FBLN2: variants seen among roughly 807,000 people sequenced by gnomAD.
The protein encoded by FBLN2 is fibulin-2.
FBLN2 carries 81 observed loss-of-function variants against 123.7 expected under a neutral mutation model. That is an observed-to-expected ratio of 0.65 (90% CI 0.55 to 0.79). FBLN2 has a LOEUF of 0.79. FBLN2 is among the 30% of genes least tolerant of loss of function. The pLI is 0.00. For synonymous variants in FBLN2, 699 were observed against 701.4 expected (o/e 1.00, Z 0.05); for missense variants, 1,603 against 1,681.3 (o/e 0.95, Z 0.81).
intron 5 of FBLN2, among the ~76,000 whole-genome samples, chr3:13,615,011 TCC>T: frequency 6.6e-6 from 1 of 152,012 alleles, no homozygotes; most frequent in Non-Finnish European, 1.5e-5. Flanking sequence ...CATCCATCCA[TCC>T]ATCCATCCAT....
intron 2 of FBLN2, among the ~76,000 whole-genome samples, chr3:13,603,139 C>T (rs796463815): frequency 1.4e-4 from 21 of 151,934 alleles, no homozygotes; most frequent in African/African-American, 4.8e-4. Context: ...TCTTGAACTC[C>T]TGACCTCGTG....
intron 2 of FBLN2, among the ~76,000 whole-genome samples, chr3:13,600,593 G>A (rs1221312771): frequency 3.3e-5 from 5 of 150,486 alleles, no homozygotes; most frequent in South Asian, 2.1e-4. Context: ...TGAAGCTTGC[G>A]ACTTCTTTTT....
chr3:13,556,525 A>G (rs4684952), intron 1 of FBLN2, among the ~76,000 whole-genome samples: 128,096 of 151,900 alleles, frequency 0.84, 54,185 homozygotes, highest in East Asian at 1. Flanking sequence ...ATAGAAATGT[A>G]GGGAGGACAC....
intron 15 of FBLN2, 65 bp from the exon 16 acceptor site, chr3:13,631,264 G>GT (rs1706245716): frequency 1.3e-6 from 2 of 1,560,362 alleles, no homozygotes; most frequent in African/African-American, 1.4e-5. Flanking sequence ...GGGACAGGCT[G>GT]ACTGTCAGTG....
chr3:13,620,472 T>C (rs552642626), intron 8 of FBLN2, among the ~76,000 whole-genome samples: 1 of 152,146 alleles, frequency 6.6e-6, no homozygotes, highest in Non-Finnish European at 1.5e-5. Flanking sequence ...CTGGTGATGA[T>C]TAGCTGTCCA....
intron 17 of FBLN2, 112 bp downstream of exon 17, chr3:13,636,680 C>G: frequency 3.1e-6 from 4 of 1,306,830 alleles, no homozygotes; most frequent in Non-Finnish European, 4.2e-6. Context: ...CTCGTCCCAG[C>G]CCCTGACTGC....
intron 2 of FBLN2, among the ~76,000 whole-genome samples, chr3:13,575,094 C>T (rs764305715): frequency 3.9e-5 from 6 of 152,334 alleles, no homozygotes; most frequent in Non-Finnish European, 5.9e-5. Context: ...GACTAATCAT[C>T]GTCGCATTTC....
In FBLN2 at chr3:13,623,921, C is replaced by G. The variant is rs530762636; in HGVS notation, c.2296+2006C>G. Among the ~76,000 whole-genome samples, 4 of 152,360 alleles carry G rather than the reference C, an allele frequency of 2.6e-5. No individual in the cohort carries two copies. The East Asian group carries it at 7.7e-4, about 29-fold the overall frequency. On this transcript the variant is annotated intron_variant, in intron 9 of 17. Coordinates refer to ENST00000404922, the MANE Select transcript of FBLN2 (RefSeq NM_001004019.2). ...TGAGGCAACCTGCAGAGGTAGTAAGCTCCCCATCACTGGAGGTATGTAAAT... is the reference window on the plus strand; with the variant it reads ...TGAGGCAACCTGCAGAGGTAGTAAGGTCCCCATCACTGGAGGTATGTAAAT...
chr3:13,618,137 G>C lies in FBLN2; in HGVS notation c.1791G>C (p.Pro597=), dbSNP rs201485015. Residue 597 remains proline, a synonymous_variant, in exon 6 of 18, where the codon CCG becomes CCC. Coordinates refer to ENST00000404922, the MANE Select transcript of FBLN2 (RefSeq NM_001004019.2). ...ALSLGTEAEL[P]NSLPGDDQDE... is the part of the protein sequence containing the mutation. ...CACTGGGCACAGAGGCCGAGCTGCC[G>C]AACAGCCTGCCGGGCGATGACCAGG... is the stretch of plus-strand genomic sequence containing the variant. 5 of 1,613,464 alleles carry C rather than the reference G, an allele frequency of 3.1e-6. No homozygotes were observed. The African/African-American group carries it at 5.3e-5, about 17-fold the overall frequency.
intron 1 of FBLN2, among the ~76,000 whole-genome samples, chr3:13,566,720 C>A (rs75407266): frequency 2.1e-4 from 32 of 152,344 alleles, no homozygotes; most frequent in African/African-American, 7.7e-4. Context: ...GAGCTCACAC[C>A]CCATGTGACA....
At chr3:13,623,921 C>T (rs530762636) in intron 9 of FBLN2, among the ~76,000 whole-genome samples, 1 of 152,242 alleles carries the variant, frequency 6.6e-6, no homozygotes, top group Non-Finnish European at 1.5e-5. Flanking sequence ...AGGTAGTAAG[C>T]TCCCCATCAC....
Position 13,570,951 on chromosome 3 carries a change from A to G in FBLN2, c.596A>G (p.Tyr199Cys), listed in dbSNP as rs751187121. 6.4e-5 allele frequency: 103 copies of G among 1,612,650 alleles called. No homozygotes were observed. The highest frequency in any genetic ancestry group is 8.4e-5 in the Non-Finnish European group (99 of 1,179,542). Reference protein sequence around the residue: ...PERHYEDPYSYDQEVAEVEAA... With the variant: ...PERHYEDPYSCDQEVAEVEAA... ...CGACACTACGAAGACCCCTACAGCT[A>G]TGACCAGGAGGTGGCCGAGGTGGAA... The change falls in exon 2 of 18, where the codon TAT becomes TGT. Residue 199 changes from tyrosine to cysteine, a missense_variant. Tyr to Cys is a radical substitution (Grantham distance 194, BLOSUM62 -2). Coordinates refer to ENST00000404922, the MANE Select transcript of FBLN2 (RefSeq NM_001004019.2).
chr3:13,635,253 C>A (rs928690019), intron 16 of FBLN2, among the ~76,000 whole-genome samples: 2 of 152,114 alleles, frequency 1.3e-5, no homozygotes, highest in African/African-American at 4.8e-5. Flanking sequence ...ACCCCCTGCC[C>A]CTACCCCACG....
At chr3:13,613,934 C>A in intron 4 of FBLN2, 50 bp from the exon 5 acceptor site, 1 of 1,577,998 alleles carries the variant, frequency 6.3e-7, no homozygotes, top group Non-Finnish European at 8.6e-7. Context: ...CTGAGCCTAG[C>A]TCCAGGCTGG....
At chr3:13,563,664 C>T (rs1329278423) in intron 1 of FBLN2, among the ~76,000 whole-genome samples, 1 of 152,248 alleles carries the variant, frequency 6.6e-6, no homozygotes, top group Non-Finnish European at 1.5e-5. Flanking sequence ...CTCACATATC[C>T]CTCTGAGCAC....
intron 16 of FBLN2, among the ~76,000 whole-genome samples, chr3:13,635,814 A>C (rs536727704): frequency 6.6e-6 from 1 of 152,334 alleles, no homozygotes; most frequent in African/African-American, 2.4e-5. Flanking sequence ...CCTGGAGCCC[A>C]GGTTGAGGGG....
intron 1 of FBLN2, among the ~76,000 whole-genome samples, chr3:13,569,836 TG>T (rs1703868869): frequency 1.6e-5 from 1 of 63,496 alleles, no homozygotes; most frequent in Non-Finnish European, 4.3e-5. Context: ...TGCGTGGGAC[TG>T]TGCGTGTGAG....
At chr3:13,564,022 A>G (rs1703676873) in intron 1 of FBLN2, among the ~76,000 whole-genome samples, 1 of 152,170 alleles carries the variant, frequency 6.6e-6, no homozygotes, top group Non-Finnish European at 1.5e-5. Flanking sequence ...TAGCCCAGGG[A>G]AGCCCTGTTG....
In FBLN2 at chr3:13,629,857, C is replaced by T. The variant is rs767013505; in HGVS notation, c.2880C>T (p.Cys960=). 3 of 1,591,530 alleles carry T rather than the reference C, an allele frequency of 1.9e-6. No homozygotes were observed. Among genetic ancestry groups the T allele is most frequent in the Non-Finnish European group, 2.6e-6 (3 of 1,169,900 alleles). ...GCTGGGCCTCGCCAGGCCGCCTGTG[C>T]CAGCACACGTGTGAGAACACACTCG... The part of the protein sequence containing the change: ...NECWASPGRL[C]QHTCENTLGS... The change falls in exon 14 of 18, where the codon TGC becomes TGT. Residue 960 remains cysteine, a synonymous_variant. Transcript: ENST00000404922.
Sources: gnomAD v4.1 joint callset for allele counts (sites outside exome capture counted in the v4.1 genomes callset) on GRCh38, gnomAD v4.1.1 for gene constraint, MANE v1.5 for transcripts, NCBI Gene and HGNC (gene_info 2026-07-23, HGNC 2026-07-21) for gene names.